ALK: variants seen among roughly 807,000 people sequenced by gnomAD.
The protein encoded by ALK is ALK tyrosine kinase receptor.
In ALK, 74 loss-of-function variants were observed where a neutral mutation model predicts 163.1. The observed-to-expected ratio is 0.45, with a 90% CI of 0.38 to 0.55. ALK has a LOEUF of 0.55. ALK is among the 20% of genes least tolerant of loss of function. The pLI is 0.00. For missense variants in ALK, 2,063 were observed against 2,105.3 expected, an observed-to-expected ratio of 0.98 and a Z score of 0.39; for synonymous variants, 960 against 843.2, an observed-to-expected ratio of 1.14 and a Z score of -2.40.
chr2:29,607,914 T>TTATAAAAA (rs552156359), intron 3 of ALK, among the ~76,000 whole-genome samples: 73 of 152,344 alleles, frequency 4.8e-4, no homozygotes, highest in African/African-American at 1.7e-3. Context: ...GTAGTAAGTC[T>TTATAAAAA]TATAAAAATA....
chr2:29,825,622 C>T (rs183454619), intron 1 of ALK, among the ~76,000 whole-genome samples: 42 of 152,174 alleles, frequency 2.8e-4, no homozygotes, highest in Admixed American at 2.7e-3. Context: ...AGGATGATGA[C>T]TTCTAAAGGA....
intron 3 of ALK, among the ~76,000 whole-genome samples, chr2:29,549,806 C>G (rs1573448823): frequency 1.3e-5 from 2 of 151,972 alleles, no homozygotes; most frequent in South Asian, 4.2e-4. Context: ...ATATTGAGTA[C>G]AAGTCAAAAT....
intron 5 of ALK, among the ~76,000 whole-genome samples, chr2:29,357,787 C>T (rs904628622): frequency 6.6e-6 from 1 of 152,212 alleles, no homozygotes; most frequent in Non-Finnish European, 1.5e-5. Context: ...CTGAACTAAG[C>T]TATGATCTTC....
intron 23 of ALK, among the ~76,000 whole-genome samples, chr2:29,215,674 A>G (rs1216831960): frequency 7.7e-6 from 1 of 129,280 alleles, no homozygotes; most frequent in Non-Finnish European, 1.7e-5. Context: ...GTTAAAATGG[A>G]AGAGAGAGTG....
chr2:29,422,182 C>G (rs763986473), intron 4 of ALK, among the ~76,000 whole-genome samples: 13 of 151,428 alleles, frequency 8.6e-5, no homozygotes, highest in Admixed American at 2.0e-4. Context: ...GTCAGAATTA[C>G]AGAATTAAAA....
intron 1 of ALK, among the ~76,000 whole-genome samples, chr2:29,913,202 C>T (rs901034411): frequency 1.3e-5 from 2 of 152,126 alleles, no homozygotes; most frequent in African/African-American, 4.8e-5. Flanking sequence ...CTTCTCTGCC[C>T]ACTTTCTGGA....
intron 1 of ALK, among the ~76,000 whole-genome samples, chr2:29,723,669 G>A (rs2541195): frequency 0.63 from 96,250 of 152,072 alleles, 34,868 homozygotes; most frequent in Non-Finnish European, 0.8. Context: ...AAACGATGAC[G>A]AGAATAAGAA....
intron 4 of ALK, among the ~76,000 whole-genome samples, chr2:29,531,282 A>G (rs1673111484): frequency 6.6e-6 from 1 of 152,216 alleles, no homozygotes; most frequent in Admixed American, 6.5e-5. Flanking sequence ...CCAGGCACAG[A>G]AGTGCCCTAG....
intron 9 of ALK, among the ~76,000 whole-genome samples, chr2:29,296,126 T>A (rs1400879821): frequency 2.0e-5 from 3 of 152,198 alleles, no homozygotes; most frequent in Non-Finnish European, 2.9e-5. Context: ...CACGTGGAGT[T>A]AATGATTTTC....
chr2:29,272,185 G>GGAGA (rs57649688), intron 11 of ALK, among the ~76,000 whole-genome samples: 2,008 of 145,174 alleles, frequency 0.014, 41 homozygotes, highest in African/African-American at 0.033. Context: ...GTCGGGTGAG[G>GGAGA]GAGAGAGAGA....
At chr2:29,753,198 CT>C (rs1680423211) in intron 1 of ALK, among the ~76,000 whole-genome samples, 1 of 152,190 alleles carries the variant, frequency 6.6e-6, no homozygotes, top group African/African-American at 2.4e-5. Context: ...AAAATAAAAT[CT>C]TTGGACAATT....
intron 26 of ALK, among the ~76,000 whole-genome samples, chr2:29,206,676 TCTC>T (rs1436608174): frequency 6.6e-6 from 1 of 152,126 alleles, no homozygotes; most frequent in East Asian, 1.9e-4. Flanking sequence ...TTTCTAATCT[TCTC>T]AGTAAGGTAC....
intron 4 of ALK, among the ~76,000 whole-genome samples, chr2:29,424,252 T>A (rs146388294): frequency 6.6e-6 from 1 of 152,302 alleles, no homozygotes; most frequent in Non-Finnish European, 1.5e-5. Context: ...GAATGGCTTA[T>A]CTAACCTGAC....
At chr2:29,225,799 T>A (rs1360588172) in intron 18 of ALK, among the ~76,000 whole-genome samples, 1 of 152,144 alleles carries the variant, frequency 6.6e-6, no homozygotes, top group Non-Finnish European at 1.5e-5. Flanking sequence ...GGGATGAATA[T>A]CAGTGGCGGG....
intron 3 of ALK, among the ~76,000 whole-genome samples, chr2:29,589,126 G>T (rs1275611790): frequency 6.6e-6 from 1 of 152,176 alleles, no homozygotes; most frequent in African/African-American, 2.4e-5. Flanking sequence ...GATGATAGGT[G>T]AGATGTATCA....
chr2:29,859,052 A>AAACAAACC (rs1226062459), intron 1 of ALK, among the ~76,000 whole-genome samples: 1 of 152,052 alleles, frequency 6.6e-6, no homozygotes, highest in Non-Finnish European at 1.5e-5. Context: ...ACAAACAAAC[A>AAACAAACC]AACAAAAACA....
At chr2:29,397,793 T>C (rs1285390948) in intron 4 of ALK, among the ~76,000 whole-genome samples, 1 of 152,180 alleles carries the variant, frequency 6.6e-6, no homozygotes, top group Non-Finnish European at 1.5e-5. Context: ...AGAATGATAC[T>C]AGGAAGTGTT....
chr2:29,523,562 T>G (rs1672871221), intron 4 of ALK, among the ~76,000 whole-genome samples: 1 of 152,080 alleles, frequency 6.6e-6, no homozygotes, highest in Non-Finnish European at 1.5e-5. Context: ...TTTTACCATC[T>G]CCCTCCCCAC....
At chr2:29,709,948 C>T (rs189339111) in intron 2 of ALK, among the ~76,000 whole-genome samples, 1 of 152,286 alleles carries the variant, frequency 6.6e-6, no homozygotes, top group East Asian at 1.9e-4. Context: ...CTTGGCTTTG[C>T]TGTTGATATG....
Sources: gnomAD v4.1 joint callset for allele counts (sites outside exome capture counted in the v4.1 genomes callset) on GRCh38, gnomAD v4.1.1 for gene constraint, MANE v1.5 for transcripts, NCBI Gene and HGNC (gene_info 2026-07-23, HGNC 2026-07-21) for gene names.